Variants in HYCC1 observed in about 807,000 individuals in gnomAD.
HYCC1 encodes the protein hyccin.
chr7:22,938,177 G>C, the HYCC1 span: 1 of 151,768 alleles, frequency 6.6e-6, no homozygotes, highest in Non-Finnish European at 1.5e-5. Flanking sequence ...CTATTTTTTT[G>C]TTGTTGTTGT....
the HYCC1 span, among the ~76,000 whole-genome samples, chr7:22,917,170 G>A: frequency 3.3e-5 from 5 of 151,904 alleles, no homozygotes; most frequent in African/African-American, 4.8e-5. Context: ...CCTTCTCATC[G>A]GTCACTCCCA....
chr7:22,915,826 G>C, the HYCC1 span, among the ~76,000 whole-genome samples: 38,387 of 151,868 alleles, frequency 0.25, 5,018 homozygotes, highest in East Asian at 0.48. Context: ...TTCTTTTATG[G>C]GCTTCTTTTT....
At chr7:23,000,295 T>A in the HYCC1 span, among the ~76,000 whole-genome samples, 1 of 152,096 alleles carries the variant, frequency 6.6e-6, no homozygotes, top group Non-Finnish European at 1.5e-5. Flanking sequence ...TATTGAGCAG[T>A]ATATCTAAAC....
the HYCC1 span, chr7:22,964,550 A>C: frequency 1.4e-6 from 2 of 1,379,694 alleles, no homozygotes; most frequent in Non-Finnish European, 2.1e-6. Flanking sequence ...ACCAAAATAA[A>C]TGTATTTCTA....
the HYCC1 span, among the ~76,000 whole-genome samples, chr7:22,917,008 A>G: frequency 6.6e-6 from 1 of 152,198 alleles, no homozygotes; most frequent in Non-Finnish European, 1.5e-5. Context: ...ACTCTTCTCA[A>G]GGTCGCTTTA....
chr7:22,903,250 G>A, the HYCC1 span, among the ~76,000 whole-genome samples: 4 of 151,918 alleles, frequency 2.6e-5, no homozygotes, highest in Non-Finnish European at 5.9e-5. Flanking sequence ...AAACATGCAA[G>A]CATACAAACT....
the HYCC1 span, among the ~76,000 whole-genome samples, chr7:22,967,152 G>T: frequency 6.6e-6 from 1 of 152,198 alleles, no homozygotes; most frequent in Non-Finnish European, 1.5e-5. Context: ...AGATATACAT[G>T]ATGGATGTAG....
At chr7:22,962,738 C>T in the HYCC1 span, among the ~76,000 whole-genome samples, 2 of 151,568 alleles carry the variant, frequency 1.3e-5, no homozygotes, top group Non-Finnish European at 2.9e-5. Flanking sequence ...GAGAACACTA[C>T]CTCCCCCCAT....
At chr7:22,966,483 G>A in the HYCC1 span, among the ~76,000 whole-genome samples, 2 of 151,872 alleles carry the variant, frequency 1.3e-5, no homozygotes, top group Non-Finnish European at 2.9e-5. Context: ...GTAGAGATGG[G>A]GTTTCACCAC....
the HYCC1 span, among the ~76,000 whole-genome samples, chr7:23,003,870 G>A: frequency 2.6e-4 from 40 of 152,134 alleles, no homozygotes; most frequent in Admixed American, 2.0e-3. Context: ...TGCTAATAGG[G>A]CCATAATAAT....
the HYCC1 span, chr7:22,984,078 T>C: frequency 7.6e-7 from 1 of 1,312,508 alleles, no homozygotes; most frequent in Non-Finnish European, 1.1e-6. Flanking sequence ...ATTTTACTTT[T>C]ATGAAATGTC....
At chr7:22,997,132 A>AT in the HYCC1 span, among the ~76,000 whole-genome samples, 1 of 152,148 alleles carries the variant, frequency 6.6e-6, no homozygotes, top group African/African-American at 2.4e-5. Flanking sequence ...TCTAAGTCAA[A>AT]TGTCTTATTC....
the HYCC1 span, among the ~76,000 whole-genome samples, chr7:22,973,039 CCAGT>C: frequency 1.3e-5 from 2 of 152,054 alleles, no homozygotes; most frequent in Non-Finnish European, 2.9e-5. Context: ...CCTAGATGAC[CCAGT>C]CAATCATTTT....
chr7:22,924,396 C>T, the HYCC1 span, among the ~76,000 whole-genome samples: 13 of 152,070 alleles, frequency 8.5e-5, no homozygotes, highest in Non-Finnish European at 1.5e-4. Flanking sequence ...TTGCCTCACC[C>T]GGGAAACACA....
the HYCC1 span, among the ~76,000 whole-genome samples, chr7:22,996,522 AAAAATT>A: frequency 1.3e-5 from 2 of 150,872 alleles, no homozygotes; most frequent in Non-Finnish European, 3.0e-5. Flanking sequence ...TAAAGAAATA[AAAAATT>A]AAAAAGCCAA....
the HYCC1 span, chr7:22,960,299 T>G: frequency 1.9e-5 from 30 of 1,613,756 alleles, no homozygotes; most frequent in South Asian, 3.2e-4. Context: ...TGCTGGTTAC[T>G]GCATTTCTTG....
the HYCC1 span, among the ~76,000 whole-genome samples, chr7:22,998,107 C>G: frequency 6.6e-6 from 1 of 152,148 alleles, no homozygotes; most frequent in Non-Finnish European, 1.5e-5. Context: ...TAGACAAGAT[C>G]CTCCAGGACT....
At chr7:22,998,217 T>C in the HYCC1 span, among the ~76,000 whole-genome samples, 5 of 152,316 alleles carry the variant, frequency 3.3e-5, no homozygotes, top group East Asian at 9.6e-4. Flanking sequence ...ACCAAAAGAA[T>C]GCAGCAAACA....
At chr7:22,983,075 T>C in the HYCC1 span, among the ~76,000 whole-genome samples, 2 of 152,142 alleles carry the variant, frequency 1.3e-5, no homozygotes, top group Non-Finnish European at 2.9e-5. Flanking sequence ...ATGCTTGTAA[T>C]CCCAGCACTT....
Sources: allele counts gnomAD v4.1 joint callset (sites outside exome capture counted in the v4.1 genomes callset), GRCh38; gene constraint gnomAD v4.1.1; transcripts MANE v1.5; gene names NCBI Gene and HGNC (gene_info 2026-07-23, HGNC 2026-07-21).